Variants in LYPD6B observed in about 807,000 individuals in gnomAD.
The protein encoded by LYPD6B is ly6/PLAUR domain-containing protein 6B.
Under a neutral mutation model 22.8 loss-of-function variants are expected in LYPD6B, and 17 were observed. The ratio of observed to expected loss-of-function variants is 0.75; its 90% CI spans 0.51 to 1.12. LYPD6B has a LOEUF of 1.12. Ranked by LOEUF, LYPD6B falls within the 50% of genes most tolerant of loss-of-function variation. The pLI is 0.00. For synonymous variants in LYPD6B, 106 were observed against 91.6 expected, an observed-to-expected ratio of 1.16 and a Z score of -0.90; for missense variants, 221 against 258.3, an observed-to-expected ratio of 0.86 and a Z score of 0.99.
intron 1 of LYPD6B, chr2:149,101,728 GC>G (rs1686221318): frequency 6.6e-6 from 1 of 152,214 alleles, no homozygotes; most frequent in Non-Finnish European, 1.5e-5. Context: ...GGCTAGTGGG[GC>G]CCTGATGCTT....
chr2:149,076,648 G>A (rs1028549954), intron 1 of LYPD6B, among the ~76,000 whole-genome samples: 21 of 152,138 alleles, frequency 1.4e-4, no homozygotes, highest in African/African-American at 4.1e-4. Flanking sequence ...GTAAAATTCT[G>A]TGAAAAAAAG....
intron 2 of LYPD6B, among the ~76,000 whole-genome samples, chr2:149,155,480 C>T (rs2105852295): frequency 6.6e-6 from 1 of 152,354 alleles, no homozygotes; most frequent in African/African-American, 2.4e-5. Flanking sequence ...GCCTTGTTTG[C>T]TGCCCCAGGG....
chr2:149,074,109 C>T lies in LYPD6B; in HGVS notation c.-67+35308C>T, dbSNP rs145449590. 1.1e-3 allele frequency among the ~76,000 whole-genome samples: 168 copies of T among 152,212 alleles called. 2 individuals carry two copies. The South Asian group carries it at 0.015, about 13-fold the overall frequency. ...TTATAGCCAAGACATGGCCAAGTTA[C>T]GTAAAGAAGGTGTCTGCTGTGGAGC... On this transcript the variant is annotated intron_variant, in intron 1 of 6. Coordinates refer to ENST00000409642, the MANE Select transcript of LYPD6B (RefSeq NM_177964.5).
intron 1 of LYPD6B, among the ~76,000 whole-genome samples, chr2:149,058,621 A>AT (rs1219432454): frequency 6.6e-6 from 1 of 151,860 alleles, no homozygotes; most frequent in Non-Finnish European, 1.5e-5. Context: ...TCACTCTTTT[A>AT]TTTTATTTTA....
At chr2:149,052,315 A>G (rs994387860) in intron 1 of LYPD6B, among the ~76,000 whole-genome samples, 5 of 152,290 alleles carry the variant, frequency 3.3e-5, no homozygotes, top group African/African-American at 1.2e-4. Flanking sequence ...TCAGCATCCC[A>G]AAGTGCTGGG....
intron 3 of LYPD6B, among the ~76,000 whole-genome samples, chr2:149,192,952 G>A (rs1359910097): frequency 6.6e-6 from 1 of 152,088 alleles, no homozygotes; most frequent in African/African-American, 2.4e-5. Context: ...GGAGTGATGA[G>A]CCCTGAAGTA....
At chr2:149,163,704 T>A (rs1015104066) in intron 3 of LYPD6B, among the ~76,000 whole-genome samples, 1 of 152,170 alleles carries the variant, frequency 6.6e-6, no homozygotes, top group Non-Finnish European at 1.5e-5. Context: ...TGCTATTTTT[T>A]CCCCCTGTGT....
chr2:149,095,880 G>C (rs1288157533), intron 1 of LYPD6B, among the ~76,000 whole-genome samples: 1 of 151,926 alleles, frequency 6.6e-6, no homozygotes, highest in Non-Finnish European at 1.5e-5. Context: ...GACAGACAGA[G>C]AGATGGGAGA....
chr2:149,193,585 A>G (rs1692629460), intron 3 of LYPD6B, among the ~76,000 whole-genome samples: 1 of 152,162 alleles, frequency 6.6e-6, no homozygotes, highest in Non-Finnish European at 1.5e-5. Context: ...GGTGCAGGAA[A>G]GGGCTTCCCT....
At chr2:149,094,142 T>C (rs1446520801) in intron 1 of LYPD6B, among the ~76,000 whole-genome samples, 1 of 152,216 alleles carries the variant, frequency 6.6e-6, no homozygotes, top group African/African-American at 2.4e-5. Context: ...TTGGTACTGG[T>C]TTAATTATTT....
chr2:149,212,286 G>A (rs1693907702), intron 5 of LYPD6B, among the ~76,000 whole-genome samples: 1 of 147,026 alleles, frequency 6.8e-6, no homozygotes. Context: ...GGAGGTTGAG[G>A]AAGGAGAATG....
chr2:149,099,025 C>T (rs1287804757), intron 1 of LYPD6B, among the ~76,000 whole-genome samples: 1 of 152,152 alleles, frequency 6.6e-6, no homozygotes, highest in Non-Finnish European at 1.5e-5. Context: ...TGTTGATGAA[C>T]TGAACTTTTG....
intron 2 of LYPD6B, among the ~76,000 whole-genome samples, chr2:149,143,304 T>A (rs1475019880): frequency 2.0e-5 from 3 of 150,550 alleles, no homozygotes; most frequent in African/African-American, 7.3e-5. Flanking sequence ...CTCAACTTCT[T>A]GGCTCGTTGT....
At chr2:149,051,349 T>C (rs990781789) in intron 1 of LYPD6B, among the ~76,000 whole-genome samples, 1 of 151,942 alleles carries the variant, frequency 6.6e-6, no homozygotes, top group Non-Finnish European at 1.5e-5. Flanking sequence ...TATTTTTTAG[T>C]AGAGATGGGG....
chr2:149,085,898 C>T (rs563003810), intron 1 of LYPD6B, among the ~76,000 whole-genome samples: 20 of 151,966 alleles, frequency 1.3e-4, no homozygotes, highest in Middle Eastern at 3.4e-3. Flanking sequence ...GATGGGAAGG[C>T]GCCCTTTGCT....
chr2:149,134,139 A>C (rs11674092), intron 2 of LYPD6B, among the ~76,000 whole-genome samples: 1 of 152,110 alleles, frequency 6.6e-6, no homozygotes, highest in South Asian at 2.1e-4. Context: ...TGAAGAAAGG[A>C]GAGAGAGAGA....
chr2:149,208,291 T>C, intron 4 of LYPD6B, 23 bp from the exon 5 acceptor site: 1 of 1,594,146 alleles, frequency 6.3e-7, no homozygotes, highest in Non-Finnish European at 8.6e-7. Flanking sequence ...GCTTACTGTT[T>C]CACTTTGCTT....
At chr2:149,144,031 T>C (rs1871960) in intron 2 of LYPD6B, 76,923 of 152,074 alleles carry the variant, frequency 0.51, 20,054 homozygotes, top group South Asian at 0.69. Context: ...GTCTTTGTGG[T>C]GGATTCTTTC....
At position 149,215,069 on chromosome 2, in the gene LYPD6B, C is replaced by G. The variant is rs914239669; in HGVS notation, c.*359C>G. On this transcript the variant is annotated 3_prime_UTR_variant, in exon 7 of 7. Coordinates refer to ENST00000409642, the MANE Select transcript of LYPD6B (RefSeq NM_177964.5). ...TGCCTCAGAGGCTGCCAGGTCAAAC[C>G]CTCTTGTTTATGTGATTAGCTCAGA... is the stretch of plus-strand genomic sequence containing the variant. The G allele has an allele frequency of 1.8e-4, 41 of 233,374 alleles. No individual in the cohort carries two copies. The highest frequency in any genetic ancestry group is 7.7e-4 in the African/African-American group (35 of 45,414). The allele number at this position is 233,374 out of a possible 1,614,324, so 14.5% of individuals were successfully genotyped here.
Sources: allele counts gnomAD v4.1 joint callset (sites outside exome capture counted in the v4.1 genomes callset), GRCh38; gene constraint gnomAD v4.1.1; transcripts MANE v1.5; gene names NCBI Gene and HGNC (gene_info 2026-07-23, HGNC 2026-07-21).